The following RUFY1 variants were observed in gnomAD, a reference collection of about 807,000 sequenced individuals.
The protein encoded by RUFY1 is RUN and FYVE domain-containing protein 1.
A neutral mutation model predicts 94.6 loss-of-function variants in RUFY1; 54 were observed. The ratio of observed to expected loss-of-function variants is 0.57; its 90% CI spans 0.46 to 0.72. The LOEUF (loss-of-function observed/expected upper bound fraction) is 0.72, where lower values mean the gene tolerates loss of function less well. RUFY1 is among the 30% of genes least tolerant of loss of function. The pLI is 0.00. For missense variants in RUFY1, 883 were observed against 883.9 expected (o/e 1.00, Z 0.01); for synonymous variants, 396 against 347.3 (o/e 1.14, Z -1.56).
chr5:179,554,233 ACTT>A (rs1322187377), intron 1 of RUFY1, among the ~76,000 whole-genome samples: 1 of 152,192 alleles, frequency 6.6e-6, no homozygotes, highest in Non-Finnish European at 1.5e-5. Flanking sequence ...TATTTTGAAT[ACTT>A]GTTTTAAAAT....
chr5:179,571,354 C>T (rs1374658058), intron 5 of RUFY1, among the ~76,000 whole-genome samples: 1 of 152,010 alleles, frequency 6.6e-6, no homozygotes, highest in Admixed American at 6.6e-5. Context: ...AAAAATTAGC[C>T]GAGCATGGTG....
chr5:179,553,571 G>A (rs1384485098), intron 1 of RUFY1, among the ~76,000 whole-genome samples: 1 of 152,004 alleles, frequency 6.6e-6, no homozygotes, highest in South Asian at 2.1e-4. Context: ...ATCACCTGAG[G>A]TCAGGAGTTC....
At chr5:179,586,901 C>G (rs146723101) in intron 8 of RUFY1, among the ~76,000 whole-genome samples, 74 of 152,238 alleles carry the variant, frequency 4.9e-4, no homozygotes, top group Admixed American at 8.5e-4. Context: ...AAGATTAAGA[C>G]GAATATCTGG....
intron 1 of RUFY1, 131 bp from the exon 2 acceptor site, chr5:179,559,894 G>T (rs897724772): frequency 2.2e-5 from 31 of 1,429,584 alleles, no homozygotes; most frequent in Non-Finnish European, 2.6e-5. Flanking sequence ...CCGGTTGCCC[G>T]CCCGCCAGCA....
intron 12 of RUFY1, 145 bp downstream of exon 12, chr5:179,595,108 C>T (rs534611760): frequency 5.0e-5 from 30 of 604,626 alleles, no homozygotes; most frequent in Middle Eastern, 2.9e-4. Context: ...TTTGGGAGGC[C>T]GACGCGGGAG....
At chr5:179,560,380 G>A (rs1250309118) in intron 2 of RUFY1, among the ~76,000 whole-genome samples, 182 bp downstream of exon 2, 1 of 152,182 alleles carries the variant, frequency 6.6e-6, no homozygotes, top group African/African-American at 2.4e-5. Context: ...TAGCATGCAA[G>A]CTATATAGGC....
At chr5:179,583,289 G>A (rs1264987579) in intron 7 of RUFY1, among the ~76,000 whole-genome samples, 11 of 151,564 alleles carry the variant, frequency 7.3e-5, no homozygotes, top group African/African-American at 2.4e-4. Context: ...GACAGAGTGA[G>A]ACTCTGTCTC....
chr5:179,559,806 G>A (rs1561959582), intron 1 of RUFY1: 2 of 1,301,722 alleles, frequency 1.5e-6, no homozygotes, highest in Non-Finnish European at 2.0e-6. Flanking sequence ...AGGCCCAGTG[G>A]CTCTTCTGAC....
intron 5 of RUFY1, 59 bp downstream of exon 5, chr5:179,569,484 G>T: frequency 6.4e-7 from 1 of 1,569,760 alleles, no homozygotes; most frequent in African/African-American, 1.3e-5. Flanking sequence ...CTTTACATAG[G>T]ATCTGCAAAC....
chr5:179,554,261 G>T (rs938473290), intron 1 of RUFY1, among the ~76,000 whole-genome samples: 1 of 152,222 alleles, frequency 6.6e-6, no homozygotes, highest in Non-Finnish European at 1.5e-5. Flanking sequence ...TCCCGGTCGG[G>T]TGCAGTGGCT....
intron 4 of RUFY1, chr5:179,568,954 A>T: frequency 1.3e-6 from 1 of 783,258 alleles, no homozygotes; most frequent in Non-Finnish European, 1.5e-6. Context: ...TATCAGCATA[A>T]GTGGAGAAGT....
At chr5:179,562,731 A>G (rs1333923590) in intron 3 of RUFY1, 67 bp downstream of exon 3, 6 of 868,182 alleles carry the variant, frequency 6.9e-6, no homozygotes, top group African/African-American at 1.7e-5. Flanking sequence ...TCATTTCTCA[A>G]TTCCTTGCTG....
intron 9 of RUFY1, among the ~76,000 whole-genome samples, chr5:179,590,326 C>T (rs1253878797): frequency 1.3e-5 from 2 of 150,562 alleles, no homozygotes; most frequent in Non-Finnish European, 3.0e-5. Flanking sequence ...TGCACTCCAG[C>T]CTGGGCCATA....
At chr5:179,570,507 T>C (rs1260274795) in intron 5 of RUFY1, among the ~76,000 whole-genome samples, 2 of 152,198 alleles carry the variant, frequency 1.3e-5, no homozygotes, top group Non-Finnish European at 2.9e-5. Flanking sequence ...GCTTTCTTCC[T>C]GCATAGGAGC....
chr5:179,592,189 G>A lies in RUFY1; in HGVS notation c.1245+448G>A, dbSNP rs531286371. On this transcript the variant is annotated intron_variant, in intron 10 of 17. Coordinates refer to ENST00000319449, the MANE Select transcript of RUFY1 (RefSeq NM_025158.5). ...GGCTAGAGTGCAGTGGTGTGATCTC[G>A]GCTCACTGCAACGTCTGCCTCCCAG... Among the ~76,000 whole-genome samples the A allele has an allele frequency of 9.3e-5, 14 of 151,126 alleles. No individual in the cohort carries two copies. In the South Asian group the frequency reaches 2.5e-3, roughly 27 times the overall value.
intron 3 of RUFY1, among the ~76,000 whole-genome samples, chr5:179,564,342 A>G (rs1428209319): frequency 6.7e-6 from 1 of 148,514 alleles, no homozygotes; most frequent in Non-Finnish European, 1.5e-5. Context: ...CTGGTCTCCA[A>G]CTCCTGACCT....
At chr5:179,597,319 T>TCA (rs1765761142) in intron 13 of RUFY1, among the ~76,000 whole-genome samples, 1 of 152,088 alleles carries the variant, frequency 6.6e-6, no homozygotes, top group Non-Finnish European at 1.5e-5. Context: ...CACTGCAACC[T>TCA]CTGCCTCCCG....
intron 3 of RUFY1, among the ~76,000 whole-genome samples, chr5:179,567,260 G>A (rs1051472733): frequency 6.6e-6 from 1 of 152,148 alleles, no homozygotes; most frequent in Non-Finnish European, 1.5e-5. Flanking sequence ...ATTTGTAATA[G>A]TACTCAAAGG....
At chr5:179,584,334 C>G (rs747835955) in intron 7 of RUFY1, among the ~76,000 whole-genome samples, 1 of 152,140 alleles carries the variant, frequency 6.6e-6, no homozygotes. Context: ...GAGCCAGATT[C>G]CCTGGGTTCA....
Sources: allele counts gnomAD v4.1 joint callset (sites outside exome capture counted in the v4.1 genomes callset), GRCh38; gene constraint gnomAD v4.1.1; transcripts MANE v1.5; gene names NCBI Gene and HGNC (gene_info 2026-07-23, HGNC 2026-07-21).